The following NRF1 variants were observed in gnomAD, a reference collection of about 807,000 sequenced individuals.
The protein encoded by NRF1 is nuclear respiratory factor 1, also known as alpha palindromic-binding protein.
Under a neutral mutation model 58.5 loss-of-function variants are expected in NRF1, and 5 were observed. That is an observed-to-expected ratio of 0.09 (90% CI 0.04 to 0.18). The LOEUF (loss-of-function observed/expected upper bound fraction) is 0.18. Among genes scored for constraint, NRF1 ranks in the 10% least tolerant of loss-of-function variants. NRF1 has a pLI of 1.00. For synonymous variants in NRF1, 224 were observed against 246.7 expected (o/e 0.91, Z 0.86); for missense variants, 288 against 657.7 (o/e 0.44, Z 6.15).
intron 10 of NRF1, among the ~76,000 whole-genome samples, chr7:129,752,303 T>A (rs907764222): frequency 2.0e-5 from 3 of 147,358 alleles, no homozygotes; most frequent in Non-Finnish European, 3.0e-5. Context: ...GTCTATCTCA[T>A]GAATAACCTG....
chr7:129,639,855 C>CT (rs1041893628), intron 1 of NRF1, among the ~76,000 whole-genome samples: 158 of 152,208 alleles, frequency 1.0e-3, no homozygotes, highest in African/African-American at 3.6e-3. Flanking sequence ...TCCGCCCCCC[C>CT]TTTTTTAAAA....
chr7:129,614,443 T>TTTTGTGTGTGTG (rs1491367764), intron 1 of NRF1, among the ~76,000 whole-genome samples: 1 of 145,854 alleles, frequency 6.9e-6, no homozygotes, highest in Non-Finnish European at 1.5e-5. Flanking sequence ...AAATATGTAT[T>TTTTGTGTGTGTG]TGTGTGTGTG....
chr7:129,726,870 A>G (rs1356427762), intron 9 of NRF1, among the ~76,000 whole-genome samples: 1 of 152,218 alleles, frequency 6.6e-6, no homozygotes, highest in Non-Finnish European at 1.5e-5. Context: ...GTGATTGACA[A>G]CCAAAATGGC....
intron 4 of NRF1, among the ~76,000 whole-genome samples, chr7:129,678,675 A>G (rs1368938255): frequency 6.6e-6 from 1 of 152,178 alleles, no homozygotes; most frequent in Admixed American, 6.5e-5. Context: ...ATGGTGCCTG[A>G]GAAATAGCCT....
chr7:129,646,473 A>T (rs1801407297), intron 1 of NRF1, among the ~76,000 whole-genome samples: 1 of 152,200 alleles, frequency 6.6e-6, no homozygotes, highest in Non-Finnish European at 1.5e-5. Context: ...GGGGTAATCC[A>T]GATAGGAAGC....
chr7:129,665,143 G>A (rs906354392), intron 2 of NRF1, among the ~76,000 whole-genome samples: 13 of 152,242 alleles, frequency 8.5e-5, no homozygotes, highest in African/African-American at 2.9e-4. Context: ...ATTTCAGACT[G>A]AGAAACACTG....
At chr7:129,676,157 G>T (rs1172663099) in intron 3 of NRF1, among the ~76,000 whole-genome samples, 4 of 152,190 alleles carry the variant, frequency 2.6e-5, no homozygotes, top group African/African-American at 9.7e-5. Flanking sequence ...TGGCTGGTTT[G>T]ATCTTTTATC....
intron 7 of NRF1, 114 bp from the exon 8 acceptor site, chr7:129,711,361 G>T (rs1369459982): frequency 4.4e-6 from 3 of 677,568 alleles, no homozygotes; most frequent in African/African-American, 1.8e-5. Flanking sequence ...ACATCATAAG[G>T]CATATTCTTT....
At position 129,735,098 on chromosome 7, in the gene NRF1, A is replaced by G. The variant is rs900837339; in HGVS notation, c.1348+7733A>G. 1.6e-4 allele frequency: 156 copies of G among 985,414 alleles called. No homozygotes were observed. In the African/African-American group the frequency reaches 1.9e-3, roughly 12 times the overall value. The allele number at this position is 985,414 out of a possible 1,614,324, so 61.0% of individuals were successfully genotyped here. A position where few individuals can be genotyped will look rare whatever the true frequency, so the allele number is the denominator to read the frequency against. ...CTACAGCCCTTGCTTGGGGTCCCCC[A>G]GAGATTTTGAAGAGCACATCTGTCT... On this transcript the variant is annotated intron_variant, in intron 10 of 10. Transcript: ENST00000393232.
chr7:129,623,287 A>G (rs952914197), intron 1 of NRF1, among the ~76,000 whole-genome samples: 3 of 151,908 alleles, frequency 2.0e-5, no homozygotes, highest in Non-Finnish European at 2.9e-5. Flanking sequence ...TTGGTCTTTT[A>G]TTTTACCCTG....
At chr7:129,683,020 T>C (rs1802355921) in intron 4 of NRF1, among the ~76,000 whole-genome samples, 1 of 151,996 alleles carries the variant, frequency 6.6e-6, no homozygotes, top group Admixed American at 6.6e-5. Context: ...AACCTCTGCC[T>C]CACCAGTTCA....
chr7:129,732,805 T>G (rs1297761819), intron 10 of NRF1, among the ~76,000 whole-genome samples: 1 of 152,116 alleles, frequency 6.6e-6, no homozygotes, highest in Non-Finnish European at 1.5e-5. Context: ...TTTCTCCATG[T>G]TGGTCAGGCT....
At chr7:129,612,335 G>T (rs1287365292) in intron 1 of NRF1, among the ~76,000 whole-genome samples, 1 of 151,884 alleles carries the variant, frequency 6.6e-6, no homozygotes, top group East Asian at 1.9e-4. Context: ...GCCGGGCTGG[G>T]GCGCGGGAGC....
intron 2 of NRF1, among the ~76,000 whole-genome samples, chr7:129,658,161 T>A (rs1801700438): frequency 1.3e-5 from 2 of 152,370 alleles, no homozygotes; most frequent in South Asian, 4.1e-4. Context: ...CTGTTTACTT[T>A]TCTCTTTCTT....
At chr7:129,630,368 T>C (rs10263634) in intron 1 of NRF1, among the ~76,000 whole-genome samples, 151,589 of 152,306 alleles carry the variant, frequency 1, 75,441 homozygotes, top group Middle Eastern at 1. Context: ...TTAATGAGTC[T>C]TCTACTTTCT....
chr7:129,659,321 C>T (rs1801730876), intron 2 of NRF1, among the ~76,000 whole-genome samples: 1 of 152,126 alleles, frequency 6.6e-6, no homozygotes, highest in Non-Finnish European at 1.5e-5. Flanking sequence ...TCGGGTGATC[C>T]ACCCATCTCG....
intron 10 of NRF1, chr7:129,744,154 A>G: frequency 7.1e-7 from 1 of 1,401,884 alleles, no homozygotes; most frequent in South Asian, 1.4e-5. Context: ...TTTTTTTAAC[A>G]GTTCTGTGTT....
chr7:129,704,768 C>T (rs531444850), intron 5 of NRF1, among the ~76,000 whole-genome samples: 1 of 152,256 alleles, frequency 6.6e-6, no homozygotes, highest in African/African-American at 2.4e-5. Flanking sequence ...TTGACAGCGA[C>T]TTGAGGTCAT....
chr7:129,650,257 T>C (rs182582460), intron 1 of NRF1, among the ~76,000 whole-genome samples: 73 of 152,068 alleles, frequency 4.8e-4, no homozygotes, highest in African/African-American at 1.6e-3. Flanking sequence ...TATTTGAATG[T>C]GGTGTTGAGT....
Sources: gnomAD v4.1 joint callset for allele counts (sites outside exome capture counted in the v4.1 genomes callset) on GRCh38, gnomAD v4.1.1 for gene constraint, MANE v1.5 for transcripts, NCBI Gene and HGNC (gene_info 2026-07-23, HGNC 2026-07-21) for gene names.